The following PKP4 variants were observed in gnomAD, a reference collection of about 807,000 sequenced individuals.
PKP4 encodes plakophilin 4, also known as plakophilin-4.
Under a neutral mutation model 145.1 loss-of-function variants are expected in PKP4, and 90 were observed. That is an observed-to-expected ratio of 0.62 (90% CI 0.52 to 0.74). The LOEUF is 0.74. Among genes scored for constraint, PKP4 ranks in the 30% least tolerant of loss-of-function variants. The pLI is 0.00. For synonymous variants in PKP4, 563 were observed against 577.2 expected (o/e 0.98, Z 0.35); for missense variants, 1,340 against 1,482.7 (o/e 0.90, Z 1.58).
intron 12 of PKP4, chr2:158,658,822 G>A (rs181968740): frequency 1.3e-5 from 2 of 153,652 alleles, no homozygotes; most frequent in Admixed American, 1.3e-4. Flanking sequence ...GTGCACAGTA[G>A]AGTTCATTAT....
At chr2:158,473,885 A>T (rs1169465951) in intron 1 of PKP4, among the ~76,000 whole-genome samples, 1 of 152,224 alleles carries the variant, frequency 6.6e-6, no homozygotes, top group East Asian at 1.9e-4. Flanking sequence ...ATGAAATTTT[A>T]AAATCAGGTA....
Position 158,658,242 on chromosome 2 carries a change from CTT to C in PKP4, c.2022_2023del (p.Ser675PhefsTer2). 6.2e-7 allele frequency: 1 copy of C among 1,603,302 alleles called. No homozygotes were observed. The highest frequency in any genetic ancestry group is 8.5e-7 in the Non-Finnish European group (1 of 1,170,714). On this transcript the variant is annotated frameshift_variant, in exon 12 of 22. Transcript: ENST00000389759. LOFTEE classifies it high-confidence loss of function. Reference sequence around the variant, plus strand: ...GTTCCACATTCTGGATGGAATAACTCTTCTTTTGATGATGATCATAAAATTAA... The same window carrying C: ...GTTCCACATTCTGGATGGAATAACTCCTTTTGATGATGATCATAAAATTAA...
At position 158,624,998 on chromosome 2, in the gene PKP4, G is replaced by A; in HGVS notation, c.724G>A (p.Gly242Ser). 6.2e-7 allele frequency: 1 copy of A among 1,614,124 alleles called. No homozygotes were observed. Among genetic ancestry groups the A allele is most frequent in the Non-Finnish European group, 8.5e-7 (1 of 1,180,004 alleles). Residue 242 changes from glycine (G) to serine (S), a missense_variant, in exon 7 of 22, where the codon GGT becomes AGT. Transcript: ENST00000389759. ...PSRGSLRTSLGSGFGSPSVTD... is the reference protein window; with the variant it reads ...PSRGSLRTSLSSGFGSPSVTD... ...AAGGGGGTCTCTGAGAACTTCTCTG[G>A]GTAGTGGATTTGGCTCTCCGTCAGT...
intron 7 of PKP4, among the ~76,000 whole-genome samples, chr2:158,627,098 G>C (rs2052872832): frequency 6.6e-6 from 1 of 152,144 alleles, no homozygotes; most frequent in Admixed American, 6.5e-5. Context: ...GAAATTCTTA[G>C]TGGAGAAACC....
rs533592385 is a variant in PKP4 at position 158,547,626 on chromosome 2, C to T, written c.132+14310C>T. 4.2e-4 allele frequency among the ~76,000 whole-genome samples: 64 copies of T among 152,300 alleles called. 1 individual carries two copies. Among genetic ancestry groups the T allele is most frequent in the Non-Finnish European group, 5.6e-4 (38 of 68,018 alleles). ...TGTGTACATTTAGTAAAACCCCTAA[C>T]GCTGTGCCTTTAAAATGGGTGCATT... is the stretch of plus-strand genomic sequence containing the variant. On this transcript the variant is annotated intron_variant, in intron 2 of 21. Transcript: ENST00000389759.
At chr2:158,649,411 A>G (rs184981883) in intron 11 of PKP4, among the ~76,000 whole-genome samples, 312 of 152,290 alleles carry the variant, frequency 2.0e-3, no homozygotes, top group African/African-American at 2.9e-3. Flanking sequence ...AAAAGAAAAA[A>G]AGCCCCACAA....
chr2:158,599,266 G>C (rs949254842), intron 3 of PKP4, among the ~76,000 whole-genome samples: 4 of 152,184 alleles, frequency 2.6e-5, no homozygotes, highest in African/African-American at 9.6e-5. Context: ...AAGAGGATAA[G>C]AGGATAAAGG....
intron 3 of PKP4, among the ~76,000 whole-genome samples, chr2:158,601,751 A>G (rs913495372): frequency 6.6e-6 from 1 of 152,188 alleles, no homozygotes; most frequent in East Asian, 1.9e-4. Context: ...TGATGGAGAA[A>G]AGGCAAATCA....
intron 3 of PKP4, among the ~76,000 whole-genome samples, chr2:158,593,896 A>T (rs2049490878): frequency 6.6e-6 from 1 of 152,214 alleles, no homozygotes. Flanking sequence ...CATACATTTT[A>T]CTCAAACTTG....
intron 3 of PKP4, among the ~76,000 whole-genome samples, chr2:158,596,836 C>T (rs562804905): frequency 6.6e-6 from 1 of 152,260 alleles, no homozygotes; most frequent in East Asian, 1.9e-4. Flanking sequence ...TTCCCAACCC[C>T]TTACGGTTTT....
At chr2:158,601,950 G>A (rs371710843) in intron 3 of PKP4, among the ~76,000 whole-genome samples, 261 of 152,144 alleles carry the variant, frequency 1.7e-3, no homozygotes, top group African/African-American at 5.8e-3. Context: ...GTTTCCTTAA[G>A]CCCAGAGTCA....
intron 9 of PKP4, among the ~76,000 whole-genome samples, chr2:158,637,483 G>A (rs909645517): frequency 6.6e-6 from 1 of 152,120 alleles, no homozygotes; most frequent in African/African-American, 2.4e-5. Context: ...CTTGTCTCCA[G>A]TACTCTGCCT....
At chr2:158,585,152 C>T (rs1191383387) in intron 3 of PKP4, among the ~76,000 whole-genome samples, 3 of 152,152 alleles carry the variant, frequency 2.0e-5, no homozygotes, top group Admixed American at 6.5e-5. Flanking sequence ...TGTTCAGAAG[C>T]ATTTGGTCCC....
chr2:158,506,712 T>C (rs1192499416), intron 1 of PKP4, among the ~76,000 whole-genome samples: 3 of 152,340 alleles, frequency 2.0e-5, no homozygotes, highest in African/African-American at 7.2e-5. Context: ...TTAGGAAAAC[T>C]TTATGAATTG....
At chr2:158,548,021 T>C (rs1463805904) in intron 2 of PKP4, among the ~76,000 whole-genome samples, 1 of 152,194 alleles carries the variant, frequency 6.6e-6, no homozygotes, top group Non-Finnish European at 1.5e-5. Context: ...TATTTTTCTA[T>C]TGGAGAAAAA....
chr2:158,520,899 G>A (rs2042314385), intron 1 of PKP4, among the ~76,000 whole-genome samples: 1 of 152,188 alleles, frequency 6.6e-6, no homozygotes. Context: ...AGTCATCCTT[G>A]TTTTATAGAG....
intron 1 of PKP4, among the ~76,000 whole-genome samples, chr2:158,471,007 G>T (rs575008292): frequency 1.2e-4 from 18 of 152,166 alleles, no homozygotes; most frequent in African/African-American, 4.3e-4. Context: ...TTTAAAAACA[G>T]CATGCTTGCT....
At chr2:158,643,508 C>G (rs1372141476) in intron 11 of PKP4, among the ~76,000 whole-genome samples, 1 of 151,896 alleles carries the variant, frequency 6.6e-6, no homozygotes, top group Non-Finnish European at 1.5e-5. Flanking sequence ...GCCAGGAGTC[C>G]AAGACCAACC....
At position 158,490,003 on chromosome 2, in the gene PKP4, A is replaced by T. The variant is rs551079292; in HGVS notation, c.-6+32785A>T. Among the ~76,000 whole-genome samples the T allele has an allele frequency of 2.4e-4, 36 of 152,278 alleles. No individual in the cohort carries two copies. The South Asian group carries it at 7.5e-3, about 32-fold the overall frequency. On this transcript the variant is annotated intron_variant, in intron 1 of 21. Transcript: ENST00000389759. ...AATCATTTTTCTTCAGCTCTTGGTCATTATTAAGACAACAATTAGGGGAAG... is the reference window on the plus strand; with the variant it reads ...AATCATTTTTCTTCAGCTCTTGGTCTTTATTAAGACAACAATTAGGGGAAG...
Sources: allele counts gnomAD v4.1 joint callset (sites outside exome capture counted in the v4.1 genomes callset), GRCh38; gene constraint gnomAD v4.1.1; transcripts MANE v1.5; gene names NCBI Gene and HGNC (gene_info 2026-07-23, HGNC 2026-07-21).